The following EFCAB6 variants were observed in gnomAD, a reference collection of about 807,000 sequenced individuals.
EFCAB6 encodes EF-hand calcium-binding domain-containing protein 6.
In EFCAB6, 156 loss-of-function variants were observed where a neutral mutation model predicts 169.8. That is an observed-to-expected ratio of 0.92 (90% confidence interval 0.81 to 1.05). The LOEUF is 1.05. Ranked by LOEUF, EFCAB6 falls within the 50% of genes least tolerant of loss-of-function variation. The pLI is 0.00. For synonymous variants in EFCAB6, 698 were observed against 676.4 expected, an observed-to-expected ratio of 1.03 and a Z score of -0.50; for missense variants, 1,800 against 1,829.1, an observed-to-expected ratio of 0.98 and a Z score of 0.29.
chr22:43,657,934 C>T (rs888783423), intron 17 of EFCAB6, among the ~76,000 whole-genome samples: 12 of 152,080 alleles, frequency 7.9e-5, no homozygotes, highest in African/African-American at 2.9e-4. Flanking sequence ...GTAATCTTTT[C>T]AAAGGCATCT....
chr22:43,599,266 T>G (rs1386236394), intron 23 of EFCAB6, among the ~76,000 whole-genome samples: 1 of 152,012 alleles, frequency 6.6e-6, no homozygotes, highest in African/African-American at 2.4e-5. Flanking sequence ...ACACTGCACT[T>G]TGGGAGGCTG....
chr22:43,700,506 C>G (rs1247349693), intron 10 of EFCAB6, among the ~76,000 whole-genome samples: 1 of 152,114 alleles, frequency 6.6e-6, no homozygotes, highest in Non-Finnish European at 1.5e-5. Flanking sequence ...GTAAGCCTGA[C>G]TTTTTCTCTT....
In EFCAB6 at chr22:43,618,138, G is replaced by GAGA. The variant is rs1382804990; in HGVS notation, c.2466-2219_2466-2217dup. Among the ~76,000 whole-genome samples, 402 of 131,482 alleles carry GAGA rather than the reference G, an allele frequency of 3.1e-3. 7 individuals carry two copies. The highest frequency in any genetic ancestry group is 4.8e-3 in the Non-Finnish European group (296 of 61,360). 86.3% of individuals were successfully genotyped at this position (131,482 alleles called of 152,430 possible). On this transcript the variant is annotated intron_variant, in intron 20 of 31. Coordinates refer to ENST00000262726, the MANE Select transcript of EFCAB6 (RefSeq NM_022785.4). ...CTCAAAAAAAAAAAAGAAAGAGACAGAGAGGAGGAAGGAAGGAAGGAAGGA... is the reference window on the plus strand; with the variant it reads ...CTCAAAAAAAAAAAAGAAAGAGACAGAGAAGAGGAGGAAGGAAGGAAGGAAGGA...
intron 8 of EFCAB6, among the ~76,000 whole-genome samples, chr22:43,727,433 G>GA (rs961154167): frequency 4.2e-4 from 63 of 151,236 alleles, no homozygotes; most frequent in Non-Finnish European, 6.3e-4. Flanking sequence ...GTCTCAAAAA[G>GA]AAAAAAAAAT....
intron 5 of EFCAB6, 50 bp from the exon 6 acceptor site, chr22:43,755,882 G>A (rs2060941660): frequency 6.8e-6 from 10 of 1,475,490 alleles, no homozygotes; most frequent in African/African-American, 1.4e-5. Flanking sequence ...CCAAATAAAT[G>A]TTTACATAGG....
intron 26 of EFCAB6, among the ~76,000 whole-genome samples, chr22:43,557,064 G>A (rs913080840): frequency 1.3e-5 from 2 of 152,290 alleles, no homozygotes; most frequent in Non-Finnish European, 2.9e-5. Flanking sequence ...GAGGAGGACA[G>A]GGCCTCACGT....
At chr22:43,677,598 A>T (rs2057818260) in intron 13 of EFCAB6, among the ~76,000 whole-genome samples, 1 of 152,116 alleles carries the variant, frequency 6.6e-6, no homozygotes, top group South Asian at 2.1e-4. Flanking sequence ...GTGAGCCGAG[A>T]TCATGCCACT....
In EFCAB6 at chr22:43,772,891, C is replaced by T. The variant is rs2061520904; in HGVS notation, c.351+1G>A. The stretch of plus-strand genomic sequence containing the variant: ...TTCTAAGTATGTACAACATACAGCA[C>T]CTGAGCCAACACGTCCTGAAACTGT... On this transcript the variant is annotated splice_donor_variant, in intron 4 of 31. Coordinates refer to ENST00000262726, the MANE Select transcript of EFCAB6 (RefSeq NM_022785.4). LOFTEE classifies it high-confidence loss of function. 9.3e-6 allele frequency: 15 copies of T among 1,614,066 alleles called. No individual in the cohort carries two copies. Among genetic ancestry groups the T allele is most frequent in the African/African-American group, 1.3e-5 (1 of 74,928 alleles).
chr22:43,530,361 T>G (rs1420774111), intron 31 of EFCAB6, among the ~76,000 whole-genome samples: 1 of 152,196 alleles, frequency 6.6e-6, no homozygotes, highest in Non-Finnish European at 1.5e-5. Context: ...CCCAGGGACA[T>G]CAGGGCAGAT....
intron 29 of EFCAB6, chr22:43,536,045 T>C (rs1350309898): frequency 6.6e-6 from 1 of 152,174 alleles, no homozygotes; most frequent in Non-Finnish European, 1.5e-5. Context: ...GTATTGAATT[T>C]TGGATGCATG....
intron 5 of EFCAB6, 142 bp downstream of exon 5, chr22:43,765,163 C>A: frequency 3.7e-6 from 2 of 540,670 alleles, no homozygotes; most frequent in South Asian, 2.6e-5. Flanking sequence ...GGATTAATTC[C>A]ATTAAATTCC....
At chr22:43,706,483 G>C (rs955913600) in intron 10 of EFCAB6, among the ~76,000 whole-genome samples, 1 of 152,228 alleles carries the variant, frequency 6.6e-6, no homozygotes, top group Non-Finnish European at 1.5e-5. Context: ...ACAGTTCTTT[G>C]AGGGCAGCAA....
At chr22:43,782,757 A>G (rs1295729750) in intron 2 of EFCAB6, among the ~76,000 whole-genome samples, 2 of 152,200 alleles carry the variant, frequency 1.3e-5, no homozygotes, top group East Asian at 3.8e-4. Context: ...CCTCTCCTTC[A>G]TTAAATCAAT....
chr22:43,791,967 T>C (rs922812184), intron 2 of EFCAB6, among the ~76,000 whole-genome samples: 1 of 151,974 alleles, frequency 6.6e-6, no homozygotes, highest in Non-Finnish European at 1.5e-5. Flanking sequence ...GTTCCCACGG[T>C]TGGCCAATGG....
rs747526425 is a variant in EFCAB6 at position 43,755,828 on chromosome 22, C to T, written c.445G>A (p.Gly149Ser). ...CGGCAGCAATTCATTTCATTCCCAC[C>T]TCCCCTTAGAAATAAAAAAAAAATC... ...DLYINGIKRG[G>S]GNEMNCCRTL... Residue 149 changes from glycine to serine, a missense_variant, in exon 6 of 32, where the codon GGT (glycine) becomes AGT (serine). By Grantham distance (56) the Gly-to-Ser change is moderately conservative. Transcript: ENST00000262726. 9 of 1,602,766 alleles carry T rather than the reference C, an allele frequency of 5.6e-6. No individual in the cohort carries two copies. In the South Asian group the frequency reaches 8.0e-5, roughly 14 times the overall value.
At chr22:43,655,173 C>G (rs2056674443) in intron 17 of EFCAB6, among the ~76,000 whole-genome samples, 1 of 152,160 alleles carries the variant, frequency 6.6e-6, no homozygotes, top group Admixed American at 6.5e-5. Context: ...AGGAGAATTG[C>G]TTAAACCTGG....
At position 43,586,340 on chromosome 22, in the gene EFCAB6, A is replaced by ATTTTTTTTTTTTTTTTTTTTTTTTT. The variant is rs36058832; in HGVS notation, c.3032+3709_3032+3733dup. Among the ~76,000 whole-genome samples, 14 of 72,924 alleles carry ATTTTTTTTTTTTTTTTTTTTTTTTT rather than the reference A, an allele frequency of 1.9e-4. 2 individuals carry two copies. Among genetic ancestry groups the ATTTTTTTTTTTTTTTTTTTTTTTTT allele is most frequent in the African/African-American group, 7.1e-4 (11 of 15,432 alleles). The allele number at this position is 72,924 out of a possible 152,430, so 47.8% of individuals were successfully genotyped here. A position where few individuals can be genotyped will look rare whatever the true frequency, so the allele number is the denominator to read the frequency against. On this transcript the variant is annotated intron_variant, in intron 24 of 31. Transcript: ENST00000262726. ...ACTGTAAACTCTTGAGCAACAACTGATTTTTTTTTTTTTTTTTTTTTTTTT... is the reference window on the plus strand; with the variant it reads ...ACTGTAAACTCTTGAGCAACAACTGATTTTTTTTTTTTTTTTTTTTTTTTTTTTTTTTTTTTTTTTTTTTTTTTTT...
intron 19 of EFCAB6, among the ~76,000 whole-genome samples, chr22:43,627,992 T>A (rs1330814524): frequency 6.6e-6 from 1 of 152,150 alleles, no homozygotes; most frequent in Non-Finnish European, 1.5e-5. Flanking sequence ...GCAGGGAGGC[T>A]GATGTCTAAC....
intron 17 of EFCAB6, among the ~76,000 whole-genome samples, chr22:43,651,965 T>C (rs1175152305): frequency 6.6e-6 from 1 of 152,254 alleles, no homozygotes; most frequent in African/African-American, 2.4e-5. Flanking sequence ...TTTTACAGGC[T>C]CATAGGCAGA....
Sources: gnomAD v4.1 joint callset for allele counts (sites outside exome capture counted in the v4.1 genomes callset) on GRCh38, gnomAD v4.1.1 for gene constraint, MANE v1.5 for transcripts, NCBI Gene and HGNC (gene_info 2026-07-23, HGNC 2026-07-21) for gene names.